The following TCF12 variants were observed in gnomAD, a reference collection of about 807,000 sequenced individuals.
TCF12 encodes the protein transcription factor 12.
Under a neutral mutation model 86.0 loss-of-function variants are expected in TCF12, and 45 were observed. The observed-to-expected ratio is 0.52, with a 90% CI of 0.41 to 0.67. TCF12 has a LOEUF of 0.67. Among genes scored for constraint, TCF12 ranks in the 30% least tolerant of loss-of-function variants. The pLI is 0.00. For missense variants in TCF12, 881 were observed against 859.9 expected (o/e 1.02, Z -0.31); for synonymous variants, 330 against 299.6 (o/e 1.10, Z -1.05).
At chr15:57,258,827 T>G (rs1476045284) in intron 16 of TCF12, among the ~76,000 whole-genome samples, 2 of 152,182 alleles carry the variant, frequency 1.3e-5, no homozygotes, top group African/African-American at 4.8e-5. Context: ...TTTTTCTTAG[T>G]TACAGGAGAC....
chr15:57,032,004 A>G lies in TCF12; in HGVS notation c.149-31746A>G, dbSNP rs76252654. On this transcript the variant is annotated intron_variant, in intron 3 of 20. Coordinates refer to ENST00000333725, the MANE Select transcript of TCF12 (RefSeq NM_207037.2). ...CAAAGCCCATTGCATTTTTTACTCT[A>G]TCCTCTCAATGTTTTTCACCAAACC... 3.7e-4 allele frequency among the ~76,000 whole-genome samples: 56 copies of G among 152,124 alleles called. 2 individuals carry two copies. The East Asian group carries it at 9.7e-3, about 26-fold the overall frequency.
At chr15:57,192,451 C>G (rs1370882788) in intron 7 of TCF12, among the ~76,000 whole-genome samples, 158 bp downstream of exon 7, 4 of 151,822 alleles carry the variant, frequency 2.6e-5, no homozygotes, top group African/African-American at 4.8e-5. Context: ...TGCAACAGCA[C>G]AATCTTGGCT....
intron 3 of TCF12, among the ~76,000 whole-genome samples, chr15:56,922,490 A>C (rs932634932): frequency 6.6e-6 from 1 of 152,034 alleles, no homozygotes; most frequent in African/African-American, 2.4e-5. Context: ...GAAATTAAAA[A>C]GTATGTGAAC....
chr15:57,232,098 C>T (rs1287800664), intron 9 of TCF12, among the ~76,000 whole-genome samples, 193 bp from the exon 10 acceptor site: 1 of 151,844 alleles, frequency 6.6e-6, no homozygotes, highest in East Asian at 1.9e-4. Flanking sequence ...TACTTTTTTC[C>T]CTAACTAAAA....
At chr15:57,199,321 A>G (rs1038731818) in intron 8 of TCF12, among the ~76,000 whole-genome samples, 3 of 152,216 alleles carry the variant, frequency 2.0e-5, no homozygotes, top group Admixed American at 2.0e-4. Flanking sequence ...CAGAAATCAT[A>G]TTAAAACTGA....
intron 5 of TCF12, 175 bp downstream of exon 5, chr15:57,092,066 T>G: frequency 2.0e-6 from 1 of 494,528 alleles, no homozygotes; most frequent in South Asian, 3.7e-5. Flanking sequence ...TCCAGAAAAT[T>G]TGGGGTCTAC....
At chr15:57,112,510 G>C (rs2151239480) in intron 5 of TCF12, among the ~76,000 whole-genome samples, 1 of 152,264 alleles carries the variant, frequency 6.6e-6, no homozygotes, top group South Asian at 2.1e-4. Flanking sequence ...CTGTGATGGG[G>C]CCACTTAGAT....
chr15:57,112,937 A>G (rs574449968), intron 5 of TCF12, among the ~76,000 whole-genome samples: 2 of 152,336 alleles, frequency 1.3e-5, no homozygotes, highest in East Asian at 3.9e-4. Flanking sequence ...TTTAACTAAA[A>G]CATGATTTTC....
At chr15:56,920,017 G>A (rs898870307) in intron 2 of TCF12, 29 bp downstream of exon 2, 1 of 1,613,062 alleles carries the variant, frequency 6.2e-7, no homozygotes, top group Admixed American at 1.7e-5. Flanking sequence ...GCATCTTGGG[G>A]TTCTGCTGAG....
intron 8 of TCF12, among the ~76,000 whole-genome samples, chr15:57,224,434 AT>A (rs1281491471): frequency 6.6e-6 from 1 of 152,098 alleles, no homozygotes; most frequent in Non-Finnish European, 1.5e-5. Flanking sequence ...AATGTGCTTG[AT>A]TTTCCTAGAA....
At chr15:57,210,405 C>A (rs1252959480) in intron 8 of TCF12, among the ~76,000 whole-genome samples, 1 of 151,682 alleles carries the variant, frequency 6.6e-6, no homozygotes, top group African/African-American at 2.4e-5. Context: ...CATGCTTAAA[C>A]TTTGTAAACA....
intron 4 of TCF12, among the ~76,000 whole-genome samples, chr15:57,089,226 T>G (rs1217264019): frequency 6.6e-6 from 1 of 152,232 alleles, no homozygotes; most frequent in African/African-American, 2.4e-5. Context: ...AAATTGAACC[T>G]CTAAGGTGTT....
At chr15:57,275,790 A>G (rs567938727) in intron 19 of TCF12, among the ~76,000 whole-genome samples, 66 of 152,044 alleles carry the variant, frequency 4.3e-4, no homozygotes, top group African/African-American at 1.5e-3. Context: ...TTGTGACCCA[A>G]CCTGTCACAA....
rs28441221 is a variant in TCF12 at position 57,211,906 on chromosome 15, A to G, written c.579+14081A>G. 4.6e-3 allele frequency among the ~76,000 whole-genome samples: 705 copies of G among 152,156 alleles called. 4 individuals carry two copies. The highest frequency in any genetic ancestry group is 0.016 in the African/African-American group (666 of 41,532). ...GAGGTGGAGGTTGCAGTGAGCCAAG[A>G]TTGCACCAGTGCACTCCAGCCTGGG... On this transcript the variant is annotated intron_variant, in intron 8 of 20. Transcript: ENST00000333725.
Position 57,013,243 on chromosome 15 carries a change from T to C in TCF12, c.149-50507T>C, listed in dbSNP as rs147217463. On this transcript the variant is annotated intron_variant, in intron 3 of 20. Coordinates refer to ENST00000333725, the MANE Select transcript of TCF12 (RefSeq NM_207037.2). ...GCCTACTATATTCCAGGCAATGTTATATAGACTTTGGGGAAAATAGAATTT... is the reference window on the plus strand; with the variant it reads ...GCCTACTATATTCCAGGCAATGTTACATAGACTTTGGGGAAAATAGAATTT... Among the ~76,000 whole-genome samples, 938 of 152,324 alleles carry C rather than the reference T, an allele frequency of 6.2e-3. 9 individuals carry two copies. Among genetic ancestry groups the C allele is most frequent in the African/African-American group, 0.021 (891 of 41,580 alleles).
intron 3 of TCF12, among the ~76,000 whole-genome samples, chr15:56,941,829 G>A (rs1237384714): frequency 1.3e-5 from 2 of 152,030 alleles, no homozygotes; most frequent in Non-Finnish European, 2.9e-5. Flanking sequence ...TATCAGTCTG[G>A]AGGTATGATC....
rs542574100 is a variant in TCF12, at chr15:57,288,325, A to T, written c.*2180A>T. On this transcript the variant is annotated 3_prime_UTR_variant, in exon 21 of 21. Transcript: ENST00000333725. ...AATTGTTGGAGATGAATTGCTTCTC[A>T]TCTTGTTCTCCAGTTTCCATTGTTG... 2 of 152,610 alleles carry T rather than the reference A, an allele frequency of 1.3e-5. No homozygotes were observed. The highest frequency in any genetic ancestry group is 4.8e-5 in the African/African-American group (2 of 41,444). The allele number at this position is 152,610 out of a possible 1,614,324, so 9.5% of individuals were successfully genotyped here. A position where few individuals can be genotyped will look rare whatever the true frequency, so the allele number is the denominator to read the frequency against.
chr15:57,143,884 G>T (rs895778027), intron 5 of TCF12, among the ~76,000 whole-genome samples: 1 of 152,156 alleles, frequency 6.6e-6, no homozygotes, highest in Non-Finnish European at 1.5e-5. Context: ...GTCTCTCTGG[G>T]TGTGGTGCTT....
At position 57,171,927 on chromosome 15, in the gene TCF12, A is replaced by G. The variant is rs1031109033; in HGVS notation, c.390+5461A>G. The stretch of plus-strand genomic sequence containing the variant: ...AGCAAGTATTTATTCACATAGTTTC[A>G]TAAGTTTTTCTCTAAGTGTTTAAAT... On this transcript the variant is annotated intron_variant, in intron 6 of 20. Coordinates refer to ENST00000333725, the MANE Select transcript of TCF12 (RefSeq NM_207037.2). Among the ~76,000 whole-genome samples the G allele has an allele frequency of 8.5e-5, 13 of 152,220 alleles. 1 individual carries two copies. The highest frequency in any genetic ancestry group is 1.5e-5 in the Non-Finnish European group (1 of 68,028).
Sources: gnomAD v4.1 joint callset for allele counts (sites outside exome capture counted in the v4.1 genomes callset) on GRCh38, gnomAD v4.1.1 for gene constraint, MANE v1.5 for transcripts, NCBI Gene and HGNC (gene_info 2026-07-23, HGNC 2026-07-21) for gene names.